DOCK1: variants seen among roughly 807,000 people sequenced by gnomAD.
The protein encoded by DOCK1 is dedicator of cytokinesis protein 1.
In DOCK1, 138 loss-of-function variants were observed where a neutral mutation model predicts 262.7. The ratio of observed to expected loss-of-function variants is 0.53; its 90% CI spans 0.46 to 0.61. The LOEUF (loss-of-function observed/expected upper bound fraction) is 0.61, where lower values mean the gene tolerates loss of function less well. Among genes scored for constraint, DOCK1 ranks in the 20% least tolerant of loss-of-function variants. DOCK1 has a pLI of 0.00. For synonymous variants in DOCK1, 866 were observed against 867.4 expected (o/e 1.00, Z 0.03); for missense variants, 1,908 against 2,370.7 (o/e 0.80, Z 4.05).
intron 1 of DOCK1, among the ~76,000 whole-genome samples, chr10:126,949,460 G>A (rs2035983707): frequency 6.6e-6 from 1 of 152,154 alleles, no homozygotes; most frequent in Non-Finnish European, 1.5e-5. Flanking sequence ...AAGTGGGTAG[G>A]TGTGTGAGGG....
chr10:127,218,939 C>G (rs2058319046), intron 27 of DOCK1, among the ~76,000 whole-genome samples: 1 of 152,136 alleles, frequency 6.6e-6, no homozygotes, highest in Admixed American at 6.6e-5. Flanking sequence ...TGTGTCCCCT[C>G]CTGGTGGGAT....
Position 127,418,523 on chromosome 10 carries a change from CTT to C in DOCK1, c.4675_4676del (p.Phe1559ArgfsTer18). On this transcript the variant is annotated frameshift_variant, in exon 45 of 52. Transcript: ENST00000623213. LOFTEE classifies it high-confidence loss of function. Reference sequence around the variant, plus strand: ...TCGTGGACCCAGCTGTCATGGGGGGCTTCGCAAACTACGAAAAGGTACGGGAC... The same window carrying C: ...TCGTGGACCCAGCTGTCATGGGGGGCCGCAAACTACGAAAAGGTACGGGAC... The part of the protein sequence containing the change: ...GIVDPAVMGG[F>X]ANYEKAFFTD... 1.2e-6 allele frequency: 2 copies of C among 1,613,746 alleles called. No homozygotes were observed. Among genetic ancestry groups the C allele is most frequent in the Non-Finnish European group, 1.7e-6 (2 of 1,179,910 alleles).
chr10:127,419,324 A>T (rs1244447913), intron 45 of DOCK1, among the ~76,000 whole-genome samples: 2 of 152,040 alleles, frequency 1.3e-5, no homozygotes, highest in African/African-American at 4.8e-5. Flanking sequence ...AGGCCTGGGC[A>T]GGTGCAGGGG....
Position 127,061,734 on chromosome 10 carries a change from T to C in DOCK1, c.2403T>C (p.Asn801=), listed in dbSNP as rs746232307. 4.3e-5 allele frequency: 69 copies of C among 1,596,660 alleles called. No homozygotes were observed. The highest frequency in any genetic ancestry group is 5.4e-5 in the Non-Finnish European group (63 of 1,171,454). Residue 801 remains asparagine, a synonymous_variant, in exon 23 of 52, where the codon AAT becomes AAC. Transcript: ENST00000623213. ...ESLLQLFRSI[N]DMMSSMSDQT... is the part of the protein sequence containing the mutation. ...TGCTGCAGCTCTTCAGGTCCATCAA[T>C]GACATGATGAGCAGCATGTCAGACC... is the stretch of plus-strand genomic sequence containing the variant.
At chr10:127,274,146 C>T (rs567062769) in intron 29 of DOCK1, among the ~76,000 whole-genome samples, 5 of 152,188 alleles carry the variant, frequency 3.3e-5, no homozygotes, top group South Asian at 2.1e-4. Context: ...AAGTGAGTTT[C>T]GAATACTGAC....
At chr10:127,450,767 T>C (rs1180236827) in intron 51 of DOCK1, among the ~76,000 whole-genome samples, 2 of 152,202 alleles carry the variant, frequency 1.3e-5, no homozygotes, top group African/African-American at 4.8e-5. Context: ...GCCAGCCACC[T>C]GTTTCTGTGA....
intron 27 of DOCK1, among the ~76,000 whole-genome samples, chr10:127,229,062 G>A (rs1432322184): frequency 2.0e-5 from 3 of 152,002 alleles, no homozygotes; most frequent in African/African-American, 7.2e-5. Flanking sequence ...GTGAAACCCT[G>A]TCTTTACTAA....
At chr10:127,227,925 A>G (rs11016841) in intron 27 of DOCK1, among the ~76,000 whole-genome samples, 15,265 of 152,252 alleles carry the variant, frequency 0.1, 1,030 homozygotes, top group Non-Finnish European at 0.15. Flanking sequence ...ATAAATTCTC[A>G]GTGATCCCAT....
At position 127,067,853 on chromosome 10, in the gene DOCK1, C is replaced by T. The variant is rs183379838; in HGVS notation, c.2445+6077C>T. On this transcript the variant is annotated intron_variant, in intron 23 of 51. Coordinates refer to ENST00000623213, the MANE Select transcript of DOCK1 (RefSeq NM_001290223.2). ...CCATTGTCGTGTAGAGCCCCAGGCC[C>T]CTGACGCTCAGGCAACTTTCCTGAC... Among the ~76,000 whole-genome samples the T allele has an allele frequency of 4.3e-4, 66 of 151,990 alleles. 1 individual carries two copies. The South Asian group carries it at 6.5e-3, about 15-fold the overall frequency.
chr10:127,022,644 C>T (rs1481765456), intron 13 of DOCK1, among the ~76,000 whole-genome samples: 2 of 152,196 alleles, frequency 1.3e-5, no homozygotes, highest in Non-Finnish European at 2.9e-5. Flanking sequence ...GATCTACCCA[C>T]CTCGGCATCC....
intron 1 of DOCK1, among the ~76,000 whole-genome samples, chr10:126,952,365 T>G (rs1004502051): frequency 6.6e-6 from 1 of 151,640 alleles, no homozygotes; most frequent in Non-Finnish European, 1.5e-5. Flanking sequence ...ATTGTTACTG[T>G]TGGTAGTATT....
At chr10:127,158,556 G>A (rs2489389) in intron 27 of DOCK1, among the ~76,000 whole-genome samples, 7,006 of 152,204 alleles carry the variant, frequency 0.046, 219 homozygotes, top group Non-Finnish European at 0.074. Context: ...CCTTCTGGGC[G>A]TTCAGTTAAT....
Position 127,437,332 on chromosome 10 carries a change from A to G in DOCK1, c.5061-1695A>G, listed in dbSNP as rs748324985. 3.9e-5 allele frequency among the ~76,000 whole-genome samples: 6 copies of G among 152,220 alleles called. No individual in the cohort carries two copies. Among genetic ancestry groups the G allele is most frequent in the African/African-American group, 1.4e-4 (6 of 41,458 alleles). ...ATAGGTGGTGGTCCTTGCTCTGGGT[A>G]GTCTGCATCTTCAGCAGATTTAAGC... On this transcript the variant is annotated intron_variant, in intron 48 of 51. Transcript: ENST00000623213. This position sits in a 1 kb window ranked among gnomAD's most constrained non-coding sequence, Gnocchi z 4.4.
chr10:127,008,624 G>C (rs9418761), intron 10 of DOCK1, 108 bp from the exon 11 acceptor site: 168,434 of 937,392 alleles, frequency 0.18, 16,925 homozygotes, highest in South Asian at 0.3. Context: ...TGAGAAAACA[G>C]CTTTTGCTGT....
At chr10:127,328,814 A>G (rs1017094035) in intron 29 of DOCK1, among the ~76,000 whole-genome samples, 12 of 152,162 alleles carry the variant, frequency 7.9e-5, no homozygotes, top group Non-Finnish European at 1.3e-4. Context: ...TTTTTTAATC[A>G]TGAAACTGAG....
intron 29 of DOCK1, among the ~76,000 whole-genome samples, chr10:127,309,878 C>CTTTT (rs1213688949): frequency 7.1e-6 from 1 of 141,410 alleles, no homozygotes; most frequent in African/African-American, 2.6e-5. Flanking sequence ...ATACCATGTT[C>CTTTT]TTTTTTTTTT....
intron 27 of DOCK1, among the ~76,000 whole-genome samples, chr10:127,165,291 T>C (rs1346468095): frequency 6.6e-6 from 1 of 152,230 alleles, no homozygotes; most frequent in Non-Finnish European, 1.5e-5. Context: ...CTTGGAGCTT[T>C]AGTGCTTTGT....
chr10:127,345,105 A>G (rs1429218640), intron 31 of DOCK1, among the ~76,000 whole-genome samples: 2 of 152,168 alleles, frequency 1.3e-5, no homozygotes, highest in African/African-American at 2.4e-5. Flanking sequence ...AGGCTGTAGT[A>G]TCTCAGTTTG....
At chr10:127,038,380 A>AT (rs1321142922) in intron 19 of DOCK1, among the ~76,000 whole-genome samples, 1 of 152,154 alleles carries the variant, frequency 6.6e-6, no homozygotes, top group Non-Finnish European at 1.5e-5. Flanking sequence ...TCCTCTTCCC[A>AT]TAGGTCCTCA....
Sources: gnomAD v4.1 joint callset for allele counts (sites outside exome capture counted in the v4.1 genomes callset) on GRCh38, gnomAD v4.1.1 for gene constraint, Gnocchi (gnomAD v3.1) non-coding constraint, MANE v1.5 for transcripts, NCBI Gene and HGNC (gene_info 2026-07-23, HGNC 2026-07-21) for gene names.